The following NPAP1 variants were observed in gnomAD, a reference collection of about 807,000 sequenced individuals.
NPAP1 encodes nuclear pore associated protein 1.
For missense variants in NPAP1, 1,483 were observed against 1,454.5 expected (o/e 1.02, Z -0.32); for synonymous variants, 616 against 581.4 (o/e 1.06, Z -0.86).
chr15:24,680,518 C>T lies in NPAP1; in HGVS notation c.*1180C>T, dbSNP rs1447507166. ...GACATTGTTCCAGGAGGAATGGGCT[C>T]AGTTCCCTCAAGGTTAAACTTAACC... On this transcript the variant is annotated 3_prime_UTR_variant, in exon 1 of 1. Coordinates refer to ENST00000329468, the MANE Select transcript of NPAP1 (RefSeq NM_018958.3). The T allele has an allele frequency of 6.0e-6, 1 of 167,112 alleles. No individual in the cohort carries two copies. The highest frequency in any genetic ancestry group is 1.5e-5 in the Non-Finnish European group (1 of 68,172). The allele number at this position is 167,112 out of a possible 1,614,324, so 10.4% of individuals were successfully genotyped here. A position where few individuals can be genotyped will look rare whatever the true frequency, so the allele number is the denominator to read the frequency against.
rs369061237 is a variant in NPAP1 at position 24,678,098 on chromosome 15, G to T, written c.2231G>T (p.Gly744Val). 292 of 1,611,990 alleles carry T rather than the reference G, an allele frequency of 1.8e-4. No individual in the cohort carries two copies. The highest frequency in any genetic ancestry group is 2.3e-4 in the Non-Finnish European group (274 of 1,179,538). Residue 744 changes from glycine to valine, a missense_variant, in exon 1 of 1, where the codon GGC becomes GTC. By Grantham distance (109) the Gly-to-Val change is moderately radical. Coordinates refer to ENST00000329468, the MANE Select transcript of NPAP1 (RefSeq NM_018958.3). Reference sequence around the variant, plus strand: ...AGCGGCAACACTGCCTCAGTCCAAGGCTCCACCAGTTTGCCTGCACAGTCA... The same window carrying T: ...AGCGGCAACACTGCCTCAGTCCAAGTCTCCACCAGTTTGCCTGCACAGTCA... ...QPSGNTASVQGSTSLPAQSVR... is the reference protein window; with the variant it reads ...QPSGNTASVQVSTSLPAQSVR...
chr15:24,678,844 G>A lies in NPAP1; in HGVS notation c.2977G>A (p.Asp993Asn), dbSNP rs2141313575. 7 of 1,614,212 alleles carry A rather than the reference G, an allele frequency of 4.3e-6. No individual in the cohort carries two copies. The highest frequency in any genetic ancestry group is 1.1e-5 in the South Asian group (1 of 91,090). Residue 993 changes from aspartate to asparagine, a missense_variant, in exon 1 of 1, where the codon GAC becomes AAC. Coordinates refer to ENST00000329468, the MANE Select transcript of NPAP1 (RefSeq NM_018958.3). ...RIATGMPGTG[D>N]STLLVGNTIP... ...TGCCACTGGGATGCCTGGCACTGGA[G>A]ACAGTACCTTACTGGTTGGAAATAC...
Position 24,679,341 on chromosome 15 carries a change from GCACCTGTGGTT to G in NPAP1, c.*10_*20del, listed in dbSNP as rs780421784. ...ATGTCTGTTTCCAACTTCCGTAAGA[GCACCTGTGGTT>G]CACCTGATCACACCACATCAGTTGT... On this transcript the variant is annotated 3_prime_UTR_variant, in exon 1 of 1. Coordinates refer to ENST00000329468, the MANE Select transcript of NPAP1 (RefSeq NM_018958.3). 7 of 1,599,614 alleles carry G rather than the reference GCACCTGTGGTT, an allele frequency of 4.4e-6. No homozygotes were observed. The South Asian group carries it at 7.7e-5, about 18-fold the overall frequency.
chr15:24,679,079 A>C lies in NPAP1; in HGVS notation c.3212A>C (p.Gln1071Pro), dbSNP rs2048999925. The C allele has an allele frequency of 1.9e-6, 3 of 1,614,070 alleles. No homozygotes were observed. Among genetic ancestry groups the C allele is most frequent in the Non-Finnish European group, 2.5e-6 (3 of 1,180,046 alleles). ...PTGHSMAAAP[Q>P]GASNIPVFGY... The stretch of plus-strand genomic sequence containing the variant: ...GGCCACAGCATGGCTGCTGCACCAC[A>C]AGGGGCTAGCAACATTCCTGTATTT... Residue 1071 changes from glutamine to proline, a missense_variant, in exon 1 of 1, where the codon CAA becomes CCA. Physicochemically the swap from Gln to Pro is moderately conservative, Grantham distance 76 (BLOSUM62 -1). Coordinates refer to ENST00000329468, the MANE Select transcript of NPAP1 (RefSeq NM_018958.3).
In NPAP1 at chr15:24,678,874, C is replaced by G. The variant is rs2141313624; in HGVS notation, c.3007C>G (p.Pro1003Ala). Residue 1003 changes from proline to alanine, a missense_variant, in exon 1 of 1, where the codon CCA (proline) becomes GCA (alanine). Pro to Ala is a conservative substitution (Grantham distance 27, BLOSUM62 -1). Coordinates refer to ENST00000329468, the MANE Select transcript of NPAP1 (RefSeq NM_018958.3). ...DSTLLVGNTI[P>A]GPQVIMGPGT... ...TACCTTACTGGTTGGAAATACTATTCCAGGCCCACAAGTGATTATGGGACC... is the reference window on the plus strand; with the variant it reads ...TACCTTACTGGTTGGAAATACTATTGCAGGCCCACAAGTGATTATGGGACC... 6.2e-7 allele frequency: 1 copy of G among 1,614,172 alleles called. No individual in the cohort carries two copies. The highest frequency in any genetic ancestry group is 8.5e-7 in the Non-Finnish European group (1 of 1,180,022).
chr15:24,676,936 C>T lies in NPAP1; in HGVS notation c.1069C>T (p.Leu357Phe), dbSNP rs780241835. The change falls in exon 1 of 1, where the codon CTC becomes TTC. Residue 357 changes from leucine to phenylalanine, a missense_variant. Leu to Phe is a conservative substitution (Grantham distance 22). Transcript: ENST00000329468. ...DRGELPPPAK[L>F]PCLSVEGDLH... ...AGGTGAGCTTCCCCCACCTGCTAAGCTCCCCTGCCTGTCTGTTGAGGGAGA... is the reference window on the plus strand; with the variant it reads ...AGGTGAGCTTCCCCCACCTGCTAAGTTCCCCTGCCTGTCTGTTGAGGGAGA... The T allele has an allele frequency of 1.2e-5, 20 of 1,604,016 alleles. 1 individual carries two copies. The South Asian group carries it at 2.0e-4, about 16-fold the overall frequency.
Position 24,681,809 on chromosome 15 carries a change from A to AT in NPAP1, c.*2471_*2472insT, listed in dbSNP as rs2049019101. ...AGATAGATACATAGATAGATGATAG[A>AT]GATAGATGATAGATAGATAGATAGA... On this transcript the variant is annotated 3_prime_UTR_variant, in exon 1 of 1. Transcript: ENST00000329468. 1.6e-5 allele frequency: 2 copies of AT among 128,814 alleles called. No homozygotes were observed. Among genetic ancestry groups the AT allele is most frequent in the Admixed American group, 9.1e-5 (1 of 10,938 alleles). The allele number at this position is 128,814 out of a possible 1,614,324, so 8.0% of individuals were successfully genotyped here. A position where few individuals can be genotyped will look rare whatever the true frequency, so the allele number is the denominator to read the frequency against.
Position 24,679,999 on chromosome 15 carries a change from G to A in NPAP1, c.*661G>A, listed in dbSNP as rs2049007046. The A allele has an allele frequency of 5.1e-6, 1 of 195,294 alleles. No individual in the cohort carries two copies. Among genetic ancestry groups the A allele is most frequent in the Non-Finnish European group, 1.2e-5 (1 of 86,806 alleles). The allele number at this position is 195,294 out of a possible 1,614,324, so 12.1% of individuals were successfully genotyped here. Reference sequence around the variant, plus strand: ...TTTGTTTTGGTTTGTTTGTTTGTTTGTTTGTTTGTTTGTTTGTTTTTGAGA... The same window carrying A: ...TTTGTTTTGGTTTGTTTGTTTGTTTATTTGTTTGTTTGTTTGTTTTTGAGA... On this transcript the variant is annotated 3_prime_UTR_variant, in exon 1 of 1. Transcript: ENST00000329468.
In NPAP1 at chr15:24,675,961, G is replaced by T; in HGVS notation, c.94G>T (p.Ala32Ser). 6.3e-7 allele frequency: 1 copy of T among 1,590,700 alleles called. No homozygotes were observed. Residue 32 changes from alanine (A) to serine (S), a missense_variant, in exon 1 of 1, where the codon GCC becomes TCC. Transcript: ENST00000329468. Reference sequence around the variant, plus strand: ...CGCCCCCGCTCCCCTGTCCCGGGACGCCTCCCCGCCCGGTCGGGCTCACTC... The same window carrying T: ...CGCCCCCGCTCCCCTGTCCCGGGACTCCTCCCCGCCCGGTCGGGCTCACTC... ...RGAPAPLSRDASPPGRAHSVP... is the reference protein window; with the variant it reads ...RGAPAPLSRDSSPPGRAHSVP...
At position 24,679,759 on chromosome 15, in the gene NPAP1, A is replaced by G. The variant is rs2049005226; in HGVS notation, c.*421A>G. The G allele has an allele frequency of 5.1e-6, 1 of 196,400 alleles. No homozygotes were observed. Among genetic ancestry groups the G allele is most frequent in the Non-Finnish European group, 1.2e-5 (1 of 85,390 alleles). 12.2% of individuals were successfully genotyped at this position (196,400 alleles called of 1,614,324 possible). On this transcript the variant is annotated 3_prime_UTR_variant, in exon 1 of 1. Transcript: ENST00000329468. ...ACCTGGACAAAGCACAAACCATGCAATGAGGGACAGCAACACAACGGCTGT... is the reference window on the plus strand; with the variant it reads ...ACCTGGACAAAGCACAAACCATGCAGTGAGGGACAGCAACACAACGGCTGT...
rs774350033 is a variant in NPAP1, at chr15:24,678,275, C to T, written c.2408C>T (p.Thr803Ile). 6.2e-7 allele frequency: 1 copy of T among 1,613,950 alleles called. No individual in the cohort carries two copies. The highest frequency in any genetic ancestry group is 1.1e-5 in the South Asian group (1 of 91,082). The change falls in exon 1 of 1, where the codon ACC (threonine) becomes ATC (isoleucine). Residue 803 changes from threonine to isoleucine, a missense_variant. Thr to Ile is a moderately conservative substitution (Grantham distance 89, BLOSUM62 -1). Transcript: ENST00000329468. The stretch of plus-strand genomic sequence containing the variant: ...CTTCCTATCATGGTTCCTCCAGACA[C>T]CTCCACTTTAGTGAGCAGTGCCTCT... ...LSLPIMVPPD[T>I]STLVSSASAA...
In NPAP1 at chr15:24,679,852, G is replaced by A. The variant is rs2049005781; in HGVS notation, c.*514G>A. ...AGGCCCACCTGGCTAAATGCAGGTG[G>A]TGCAATAGGAGATAGCCCCAGATAT... On this transcript the variant is annotated 3_prime_UTR_variant, in exon 1 of 1. Transcript: ENST00000329468. 1 of 175,574 alleles carries A rather than the reference G, an allele frequency of 5.7e-6. No homozygotes were observed. Among genetic ancestry groups the A allele is most frequent in the East Asian group, 1.8e-4 (1 of 5,452 alleles). The allele number at this position is 175,574 out of a possible 1,614,324, so 10.9% of individuals were successfully genotyped here. A position where few individuals can be genotyped will look rare whatever the true frequency, so the allele number is the denominator to read the frequency against.
In NPAP1 at chr15:24,676,764, A is replaced by G. The variant is rs1258903901; in HGVS notation, c.897A>G (p.Gly299=). 1.2e-6 allele frequency: 2 copies of G among 1,613,684 alleles called. No individual in the cohort carries two copies. Among genetic ancestry groups the G allele is most frequent in the African/African-American group, 2.7e-5 (2 of 74,918 alleles). ...GCTTGCCGATTCCGCTGATGTCCGG[A>G]AAGAGGATGCCTGATGAGAAGCCTT... ...SLGLPIPLMS[G]KRMPDEKPFC... is the part of the protein sequence containing the mutation. The change falls in exon 1 of 1, where the codon GGA becomes GGG. Residue 299 remains glycine, a synonymous_variant. Transcript: ENST00000329468.
At position 24,683,298 on chromosome 15, in the gene NPAP1, A is replaced by C. The variant is rs944801944; in HGVS notation, c.*3960A>C. Reference sequence around the variant, plus strand: ...AGTAGGGTGGACGCGTCAGGTTATAAATGACCCTGTCTCCTTTGTTCGGTG... The same window carrying C: ...AGTAGGGTGGACGCGTCAGGTTATACATGACCCTGTCTCCTTTGTTCGGTG... On this transcript the variant is annotated 3_prime_UTR_variant, in exon 1 of 1. Transcript: ENST00000329468. 1.2e-5 allele frequency: 2 copies of C among 167,220 alleles called. No homozygotes were observed. The highest frequency in any genetic ancestry group is 2.9e-5 in the Non-Finnish European group (2 of 68,438). The allele number at this position is 167,220 out of a possible 1,614,324, so 10.4% of individuals were successfully genotyped here.
rs763163956 is a variant in NPAP1, at chr15:24,676,443, G to T, written c.576G>T (p.Gln192His). Residue 192 changes from glutamine (Q) to histidine (H), a missense_variant, in exon 1 of 1, where the codon CAG becomes CAT. Physicochemically the swap from Gln to His is conservative, Grantham distance 24. Coordinates refer to ENST00000329468, the MANE Select transcript of NPAP1 (RefSeq NM_018958.3). ...AAGCATCGTCCACATCCAGGTCCCA[G>T]GGCACCCAGGGAGACGTGGCCTCCT... ...SGEASSTSRS[Q>H]GTQGDVASFR... is the part of the protein sequence containing the mutation. 142 of 1,612,470 alleles carry T rather than the reference G, an allele frequency of 8.8e-5. No homozygotes were observed. Among genetic ancestry groups the T allele is most frequent in the Non-Finnish European group, 1.2e-4 (136 of 1,179,398 alleles).
rs2141312504 is a variant in NPAP1, at chr15:24,678,375, G to A, written c.2508G>A (p.Leu836=). The A allele has an allele frequency of 6.2e-7, 1 of 1,613,898 alleles. No individual in the cohort carries two copies. ...CCCCTCCTTCCAAAACTGTCATCTT[G>A]CAGTCTACCTTTGTCTCCAGGAAGG... The part of the protein sequence containing the change: ...NTTPPSKTVI[L]QSTFVSRKEE... The change falls in exon 1 of 1, where the codon TTG becomes TTA. Residue 836 remains leucine (L), a synonymous_variant. Transcript: ENST00000329468.
rs746264572 is a variant in NPAP1, at chr15:24,678,384, C to A, written c.2517C>A (p.Thr839=). 1.9e-6 allele frequency: 3 copies of A among 1,613,962 alleles called. No individual in the cohort carries two copies. The highest frequency in any genetic ancestry group is 2.5e-6 in the Non-Finnish European group (3 of 1,180,006). ...CCAAAACTGTCATCTTGCAGTCTAC[C>A]TTTGTCTCCAGGAAGGAGGAGTACA... ...PPSKTVILQS[T]FVSRKEEYIR... The change falls in exon 1 of 1, where the codon ACC becomes ACA. Residue 839 remains threonine, a synonymous_variant. Coordinates refer to ENST00000329468, the MANE Select transcript of NPAP1 (RefSeq NM_018958.3).
chr15:24,681,833 G>GATAA lies in NPAP1; in HGVS notation c.*2498_*2499insAATA, dbSNP rs2049019584. On this transcript the variant is annotated 3_prime_UTR_variant, in exon 1 of 1. Coordinates refer to ENST00000329468, the MANE Select transcript of NPAP1 (RefSeq NM_018958.3). ...GAGATAGATGATAGATAGATAGATA[G>GATAA]ATAGATAGATAATATACATATATAT... 1 of 166,894 alleles carries GATAA rather than the reference G, an allele frequency of 6.0e-6. No homozygotes were observed. The highest frequency in any genetic ancestry group is 2.4e-5 in the African/African-American group (1 of 41,390). The allele number at this position is 166,894 out of a possible 1,614,324, so 10.3% of individuals were successfully genotyped here. A position where few individuals can be genotyped will look rare whatever the true frequency, so the allele number is the denominator to read the frequency against.
rs151169751 is a variant in NPAP1 at position 24,678,685 on chromosome 15, A to G, written c.2818A>G (p.Ile940Val). 1 of 1,614,102 alleles carries G rather than the reference A, an allele frequency of 6.2e-7. No homozygotes were observed. The highest frequency in any genetic ancestry group is 1.3e-5 in the African/African-American group (1 of 74,940). ...SPSVQPLSGSIIPPGFAELTS... is the reference protein window; with the variant it reads ...SPSVQPLSGSVIPPGFAELTS... ...TTCAGTCCAGCCACTGAGTGGCAGC[A>G]TAATTCCACCAGGTTTTGCAGAGTT... The change falls in exon 1 of 1, where the codon ATA (isoleucine) becomes GTA (valine). Residue 940 changes from isoleucine (I) to valine (V), a missense_variant. By Grantham distance (29) the Ile-to-Val change is conservative. Coordinates refer to ENST00000329468, the MANE Select transcript of NPAP1 (RefSeq NM_018958.3).
Sources: allele counts gnomAD v4.1 joint callset, GRCh38; gene constraint gnomAD v4.1.1; transcripts MANE v1.5; gene names NCBI Gene and HGNC (gene_info 2026-07-23, HGNC 2026-07-21).